The following PRUNE2 variants were observed in gnomAD, a reference collection of about 807,000 sequenced individuals.
The protein encoded by PRUNE2 is protein prune homolog 2.
PRUNE2 carries 164 observed loss-of-function variants against 252.0 expected under a neutral mutation model. The observed-to-expected ratio is 0.65, with a 90% confidence interval of 0.57 to 0.74. PRUNE2 has a LOEUF of 0.74. PRUNE2 is among the 30% of genes least tolerant of loss of function. The pLI, the probability that PRUNE2 is intolerant of heterozygous loss-of-function variation, is 0.00. For synonymous variants in PRUNE2, 1,292 were observed against 1,350.2 expected, an observed-to-expected ratio of 0.96 and a Z score of 0.94; for missense variants, 3,495 against 3,711.0, an observed-to-expected ratio of 0.94 and a Z score of 1.51.
intron 1 of PRUNE2, among the ~76,000 whole-genome samples, chr9:76,874,879 CATTA>C (rs1265653196): frequency 1.3e-5 from 2 of 152,142 alleles, no homozygotes; most frequent in Non-Finnish European, 2.9e-5. Context: ...CAGGGGACTA[CATTA>C]ATTAATAATG....
At chr9:76,619,948 A>T (rs1831427799) in intron 17 of PRUNE2, among the ~76,000 whole-genome samples, 1 of 152,216 alleles carries the variant, frequency 6.6e-6, no homozygotes, top group African/African-American at 2.4e-5. Flanking sequence ...ACCTCAACTG[A>T]GTATGCCCAG....
At chr9:76,844,898 T>A (rs2059586011) in intron 4 of PRUNE2, among the ~76,000 whole-genome samples, 1 of 150,824 alleles carries the variant, frequency 6.6e-6, no homozygotes, top group African/African-American at 2.4e-5. Flanking sequence ...GTGCAGTAGC[T>A]CGCACCTTTA....
At chr9:76,796,751 G>T (rs943123272) in intron 6 of PRUNE2, among the ~76,000 whole-genome samples, 1 of 152,184 alleles carries the variant, frequency 6.6e-6, no homozygotes, top group Non-Finnish European at 1.5e-5. Context: ...GGAATTAGCA[G>T]ACCGGGTAAA....
At position 76,713,630 on chromosome 9, in the gene PRUNE2, A is replaced by G; in HGVS notation, c.848T>C (p.Leu283Pro). 3 of 1,603,488 alleles carry G rather than the reference A, an allele frequency of 1.9e-6. No homozygotes were observed. Among genetic ancestry groups the G allele is most frequent in the Non-Finnish European group, 2.6e-6 (3 of 1,174,964 alleles). ...TCGTCTCGGCTGCTGCTCCTCTGAC[A>G]GATAGCTGGAGAACAGGATGAGGAC... The part of the protein sequence containing the change: ...FDVLILFSSY[L>P]SEEQQPRRQI... The change falls in exon 7 of 19, where the codon CTG becomes CCG. Residue 283 changes from leucine (L) to proline (P), a missense_variant. Coordinates refer to ENST00000376718, the MANE Select transcript of PRUNE2 (RefSeq NM_015225.3).
chr9:76,619,240 CT>C (rs1265589582), intron 18 of PRUNE2, 99 bp downstream of exon 18: 1 of 767,544 alleles, frequency 1.3e-6, no homozygotes, highest in Non-Finnish European at 2.2e-6. Flanking sequence ...AGCTGAACAT[CT>C]AAACAGGGTT....
At chr9:76,641,328 TAAAAG>T (rs1842492058) in intron 12 of PRUNE2, among the ~76,000 whole-genome samples, 2 of 151,924 alleles carry the variant, frequency 1.3e-5, no homozygotes, top group South Asian at 4.1e-4. Flanking sequence ...AAGAGGGAAA[TAAAAG>T]AAAGATTTCC....
chr9:76,727,947 C>G (rs1270555496), intron 6 of PRUNE2, among the ~76,000 whole-genome samples: 1 of 151,886 alleles, frequency 6.6e-6, no homozygotes, highest in Non-Finnish European at 1.5e-5. Flanking sequence ...AACTCCTGAC[C>G]TCAGGTGATC....
At chr9:76,614,956 CT>C (rs1294165215) in intron 18 of PRUNE2, 8 of 336,756 alleles carry the variant, frequency 2.4e-5, no homozygotes, top group Non-Finnish European at 3.1e-5. Flanking sequence ...AATAAGTGAC[CT>C]TTCCTTGTGA....
chr9:76,905,817 A>G, intron 1 of PRUNE2, 111 bp downstream of exon 1: 1 of 1,397,422 alleles, frequency 7.2e-7, no homozygotes, highest in Non-Finnish European at 1.0e-6. Context: ...ACACCCTGAT[A>G]ACTCCGTGGC....
At chr9:76,811,142 C>T (rs577201174) in intron 6 of PRUNE2, among the ~76,000 whole-genome samples, 1 of 152,124 alleles carries the variant, frequency 6.6e-6, no homozygotes, top group Non-Finnish European at 1.5e-5. Flanking sequence ...TGTAATTAGC[C>T]AAATCCTTCC....
chr9:76,666,813 A>G lies in PRUNE2; in HGVS notation c.8277-11311T>C, dbSNP rs187246421. Among the ~76,000 whole-genome samples, 55 of 152,164 alleles carry G rather than the reference A, an allele frequency of 3.6e-4. No individual in the cohort carries two copies. In the South Asian group the frequency reaches 6.3e-3, roughly 17 times the overall value. Reference sequence around the variant, plus strand: ...TCTCGTCTCCGCACACAGGGAGAAAAACCCACTGACCCTGTGGGGCTGGAC... The same window carrying G: ...TCTCGTCTCCGCACACAGGGAGAAAGACCCACTGACCCTGTGGGGCTGGAC... On this transcript the variant is annotated intron_variant, in intron 9 of 18. Coordinates refer to ENST00000376718, the MANE Select transcript of PRUNE2 (RefSeq NM_015225.3).
At chr9:76,847,605 T>C (rs2059739135) in intron 3 of PRUNE2, among the ~76,000 whole-genome samples, 1 of 152,048 alleles carries the variant, frequency 6.6e-6, no homozygotes, top group Non-Finnish European at 1.5e-5. Flanking sequence ...CACCGTGGTG[T>C]AGAGAAAACA....
At chr9:76,793,186 G>A (rs1040072182) in intron 6 of PRUNE2, among the ~76,000 whole-genome samples, 7 of 152,184 alleles carry the variant, frequency 4.6e-5, no homozygotes, top group Non-Finnish European at 7.3e-5. Flanking sequence ...TGGCAAATTA[G>A]TAGAATAAAG....
intron 9 of PRUNE2, among the ~76,000 whole-genome samples, chr9:76,667,473 CT>C (rs1456902562): frequency 5.9e-5 from 9 of 152,192 alleles, no homozygotes; most frequent in Non-Finnish European, 8.8e-5. Flanking sequence ...GGGATTTACA[CT>C]TTGGGAAGAC....
rs550709004 is a variant in PRUNE2 at position 76,898,153 on chromosome 9, C to T, written c.36+7775G>A. On this transcript the variant is annotated intron_variant, in intron 1 of 18. Transcript: ENST00000376718. ...TCAGGCACTGGCTCCACATGATTAGCCGCCCGGCTGTACTGCCTTTAGGGG... is the reference window on the plus strand; with the variant it reads ...TCAGGCACTGGCTCCACATGATTAGTCGCCCGGCTGTACTGCCTTTAGGGG... Among the ~76,000 whole-genome samples, 4 of 152,294 alleles carry T rather than the reference C, an allele frequency of 2.6e-5. No individual in the cohort carries two copies. In the East Asian group the frequency reaches 7.7e-4, roughly 29 times the overall value.
chr9:76,666,197 A>G (rs553324192), intron 9 of PRUNE2, among the ~76,000 whole-genome samples: 1 of 152,264 alleles, frequency 6.6e-6, no homozygotes, highest in African/African-American at 2.4e-5. Context: ...CCCGTTGCCA[A>G]GCGGACCGTG....
At chr9:76,731,735 T>C (rs1212983449) in intron 6 of PRUNE2, among the ~76,000 whole-genome samples, 1 of 152,196 alleles carries the variant, frequency 6.6e-6, no homozygotes, top group Non-Finnish European at 1.5e-5. Flanking sequence ...GGTACACTTA[T>C]TATTTAGAAA....
intron 1 of PRUNE2, among the ~76,000 whole-genome samples, chr9:76,881,779 C>T (rs901877126): frequency 6.6e-6 from 1 of 151,958 alleles, no homozygotes; most frequent in Non-Finnish European, 1.5e-5. Flanking sequence ...GCACCACCAT[C>T]CCCAGCTATT....
intron 6 of PRUNE2, among the ~76,000 whole-genome samples, chr9:76,770,121 C>T (rs926212857): frequency 6.6e-6 from 1 of 152,140 alleles, no homozygotes; most frequent in African/African-American, 2.4e-5. Flanking sequence ...CACAATTCTT[C>T]AGTCACTAAA....
Sources: gnomAD v4.1 joint callset for allele counts (sites outside exome capture counted in the v4.1 genomes callset) on GRCh38, gnomAD v4.1.1 for gene constraint, MANE v1.5 for transcripts, NCBI Gene and HGNC (gene_info 2026-07-23, HGNC 2026-07-21) for gene names.